The following ST6GALNAC3 variants were observed in gnomAD, a reference collection of about 807,000 sequenced individuals.
The protein encoded by ST6GALNAC3 is alpha-N-acetylgalactosaminide alpha-2,6-sialyltransferase 3.
Under a neutral mutation model 32.7 loss-of-function variants are expected in ST6GALNAC3, and 25 were observed. The ratio of observed to expected loss-of-function variants is 0.76; its 90% CI spans 0.56 to 1.07. The LOEUF (loss-of-function observed/expected upper bound fraction) is 1.07, where lower values mean the gene tolerates loss of function less well. Ranked by LOEUF, ST6GALNAC3 falls within the 50% of genes least tolerant of loss-of-function variation. ST6GALNAC3 has a pLI of 0.00. For synonymous variants in ST6GALNAC3, 129 were observed against 133.1 expected (o/e 0.97, Z 0.21); for missense variants, 355 against 382.4 (o/e 0.93, Z 0.60).
In ST6GALNAC3 at chr1:76,544,743, C is replaced by T. The variant is rs556366216; in HGVS notation, c.624-82709C>T. On this transcript the variant is annotated intron_variant, in intron 3 of 4. Transcript: ENST00000328299. ...TCAGAAGATTAGAGGAGGATTCTGA[C>T]GCTAGATATACATTTAGGAGTTATC... Among the ~76,000 whole-genome samples the T allele has an allele frequency of 5.3e-5, 8 of 152,214 alleles. No individual in the cohort carries two copies. In the South Asian group the frequency reaches 1.5e-3, roughly 28 times the overall value.
At chr1:76,079,040 C>A (rs1457573287) in intron 1 of ST6GALNAC3, among the ~76,000 whole-genome samples, 2 of 152,116 alleles carry the variant, frequency 1.3e-5, no homozygotes, top group Non-Finnish European at 2.9e-5. Context: ...CCTTGGCCTC[C>A]CAAAGTGCTG....
At chr1:76,360,102 G>T (rs1649808078) in intron 2 of ST6GALNAC3, among the ~76,000 whole-genome samples, 1 of 152,090 alleles carries the variant, frequency 6.6e-6, no homozygotes, top group Non-Finnish European at 1.5e-5. Flanking sequence ...TTATTTATCT[G>T]AATAACTGTA....
At chr1:76,275,434 C>T (rs1659082878) in intron 1 of ST6GALNAC3, among the ~76,000 whole-genome samples, 4 of 152,158 alleles carry the variant, frequency 2.6e-5, no homozygotes. Flanking sequence ...GGAAGCTTAA[C>T]TTTGGCCCTT....
At chr1:76,340,879 T>C (rs1647910330) in intron 2 of ST6GALNAC3, among the ~76,000 whole-genome samples, 1 of 152,020 alleles carries the variant, frequency 6.6e-6, no homozygotes, top group Non-Finnish European at 1.5e-5. Flanking sequence ...GTATTTCTAA[T>C]CTTAAAATGA....
intron 3 of ST6GALNAC3, among the ~76,000 whole-genome samples, chr1:76,423,356 C>T (rs780956190): frequency 2.0e-5 from 3 of 151,894 alleles, no homozygotes; most frequent in South Asian, 2.1e-4. Flanking sequence ...TCTAGCCCTG[C>T]GATTGGCATT....
chr1:76,321,106 G>A (rs1456505222), intron 2 of ST6GALNAC3, among the ~76,000 whole-genome samples: 1 of 152,032 alleles, frequency 6.6e-6, no homozygotes, highest in Admixed American at 6.6e-5. Flanking sequence ...GAGCAGAAAA[G>A]TCAGGCTAGT....
intron 3 of ST6GALNAC3, chr1:76,576,756 G>T: frequency 9.7e-7 from 1 of 1,033,286 alleles, no homozygotes; most frequent in Non-Finnish European, 1.3e-6. Context: ...GTAGGTATAA[G>T]GAATGAGGGG....
At chr1:76,388,056 T>C (rs1652236012) in intron 2 of ST6GALNAC3, among the ~76,000 whole-genome samples, 3 of 152,270 alleles carry the variant, frequency 2.0e-5, no homozygotes, top group Admixed American at 2.0e-4. Context: ...TTTGCTCTGC[T>C]TCTCTTCTGT....
At position 76,272,279 on chromosome 1, in the gene ST6GALNAC3, C is replaced by T. The variant is rs182404325; in HGVS notation, c.19-41526C>T. Among the ~76,000 whole-genome samples the T allele has an allele frequency of 1.6e-3, 240 of 145,724 alleles. 1 individual carries two copies. Among genetic ancestry groups the T allele is most frequent in the African/African-American group, 5.9e-3 (232 of 39,414 alleles). ...TCGAGGTTGCAGTGAGCCGAGATCG[C>T]GCCACTGCATTTCAGCCTGGGTGAC... On this transcript the variant is annotated intron_variant, in intron 1 of 4. Transcript: ENST00000328299.
At chr1:76,606,392 G>T (rs1184894672) in intron 3 of ST6GALNAC3, among the ~76,000 whole-genome samples, 1 of 152,086 alleles carries the variant, frequency 6.6e-6, no homozygotes, top group Non-Finnish European at 1.5e-5. Context: ...GCCATAACAA[G>T]GAATGAGATC....
intron 3 of ST6GALNAC3, among the ~76,000 whole-genome samples, chr1:76,582,153 T>G (rs1418091963): frequency 6.6e-6 from 1 of 152,188 alleles, no homozygotes; most frequent in Non-Finnish European, 1.5e-5. Context: ...AGATTTCACA[T>G]GTTGACTCTG....
intron 3 of ST6GALNAC3, among the ~76,000 whole-genome samples, chr1:76,505,561 T>C (rs567734548): frequency 1.6e-3 from 239 of 152,326 alleles, no homozygotes; most frequent in Admixed American, 4.9e-3. Context: ...AAGCAAAACC[T>C]AGACAGGGTC....
At chr1:76,350,628 G>A (rs1198666474) in intron 2 of ST6GALNAC3, among the ~76,000 whole-genome samples, 1 of 152,078 alleles carries the variant, frequency 6.6e-6, no homozygotes, top group African/African-American at 2.4e-5. Context: ...TTTAAACTAA[G>A]ACAAGTTGAA....
chr1:76,574,378 C>T (rs944049250), intron 3 of ST6GALNAC3, among the ~76,000 whole-genome samples: 3 of 151,900 alleles, frequency 2.0e-5, no homozygotes, highest in East Asian at 1.9e-4. Context: ...CTATTAGGAC[C>T]GTAGAATCTC....
intron 1 of ST6GALNAC3, among the ~76,000 whole-genome samples, chr1:76,304,221 CATT>C (rs1660900400): frequency 6.6e-6 from 1 of 151,990 alleles, no homozygotes; most frequent in African/African-American, 2.4e-5. Flanking sequence ...CTGTTAAAGA[CATT>C]GTGCTTGATA....
chr1:76,082,104 A>G (rs529444917), intron 1 of ST6GALNAC3, among the ~76,000 whole-genome samples: 4 of 152,376 alleles, frequency 2.6e-5, no homozygotes, highest in Non-Finnish European at 5.9e-5. Context: ...CGACTGAGCG[A>G]AGTTATGAAA....
intron 3 of ST6GALNAC3, among the ~76,000 whole-genome samples, chr1:76,585,997 C>CA (rs939250390): frequency 2.0e-5 from 3 of 152,112 alleles, no homozygotes; most frequent in Non-Finnish European, 2.9e-5. Context: ...GTTCTACAAC[C>CA]AAAAATGCTT....
chr1:76,164,114 T>C (rs1463072495), intron 1 of ST6GALNAC3, among the ~76,000 whole-genome samples: 1 of 152,130 alleles, frequency 6.6e-6, no homozygotes, highest in African/African-American at 2.4e-5. Context: ...AAATTCTAGA[T>C]TGTAGTGTGT....
chr1:76,453,673 A>T (rs1396770562), intron 3 of ST6GALNAC3, among the ~76,000 whole-genome samples: 1 of 152,102 alleles, frequency 6.6e-6, no homozygotes, highest in Non-Finnish European at 1.5e-5. Flanking sequence ...TCTTAAATTT[A>T]TTGAAACTTG....
Sources: gnomAD v4.1 joint callset for allele counts (sites outside exome capture counted in the v4.1 genomes callset) on GRCh38, gnomAD v4.1.1 for gene constraint, MANE v1.5 for transcripts, NCBI Gene and HGNC (gene_info 2026-07-23, HGNC 2026-07-21) for gene names.